Variants in SH3RF3 observed in about 807,000 individuals in gnomAD.
SH3RF3 encodes the protein SH3 domain containing ring finger 3, also known as E3 ubiquitin-protein ligase SH3RF3.
SH3RF3 carries 29 observed loss-of-function variants against 66.3 expected under a neutral mutation model. The observed-to-expected ratio is 0.44, with a 90% CI of 0.33 to 0.60. The LOEUF is 0.60. Among genes scored for constraint, SH3RF3 ranks in the 20% least tolerant of loss-of-function variants. The probability of loss-of-function intolerance (pLI) is 0.04; values close to 1 mark genes in which losing one functional copy is unlikely to be tolerated. For synonymous variants in SH3RF3, 583 were observed against 532.0 expected (o/e 1.10, Z -1.32); for missense variants, 1,194 against 1,190.9 (o/e 1.00, Z -0.04).
intron 1 of SH3RF3, among the ~76,000 whole-genome samples, chr2:109,183,719 C>G (rs1250502146): frequency 2.0e-5 from 3 of 152,244 alleles, no homozygotes; most frequent in Non-Finnish European, 4.4e-5. Context: ...TCAGCACTTT[C>G]CTACATGGAG....
At chr2:109,450,219 G>A (rs1020779783) in intron 8 of SH3RF3, among the ~76,000 whole-genome samples, 8 of 152,072 alleles carry the variant, frequency 5.3e-5, no homozygotes, top group Non-Finnish European at 1.0e-4. Flanking sequence ...GGTGGCGTGC[G>A]CCTGTAATCC....
chr2:109,264,364 CT>C (rs1244295622), intron 1 of SH3RF3, among the ~76,000 whole-genome samples: 1 of 151,530 alleles, frequency 6.6e-6, no homozygotes, highest in Non-Finnish European at 1.5e-5. Flanking sequence ...TCTGTGGGTG[CT>C]CCCCGTCCAC....
chr2:109,251,577 G>T (rs760513352), intron 1 of SH3RF3: 54 of 869,458 alleles, frequency 6.2e-5, no homozygotes, highest in Middle Eastern at 3.4e-4. Context: ...CGACTGGTGG[G>T]CAACAGAACA....
chr2:109,165,428 C>T (rs976199713), intron 1 of SH3RF3, among the ~76,000 whole-genome samples: 1 of 152,064 alleles, frequency 6.6e-6, no homozygotes, highest in Non-Finnish European at 1.5e-5. Flanking sequence ...CCCCACCACC[C>T]CTGCTAGAAG....
chr2:109,317,050 T>G (rs115169734), intron 1 of SH3RF3, among the ~76,000 whole-genome samples: 4,443 of 152,226 alleles, frequency 0.029, 236 homozygotes, highest in African/African-American at 0.1. Flanking sequence ...TCCACTCACC[T>G]CCTGAGGCTA....
At chr2:109,451,806 C>T (rs1166030402) in intron 8 of SH3RF3, among the ~76,000 whole-genome samples, 1 of 152,262 alleles carries the variant, frequency 6.6e-6, no homozygotes, top group Non-Finnish European at 1.5e-5. Flanking sequence ...GGCTCAGCCT[C>T]CTCCTCCCCT....
chr2:109,246,619 C>T (rs1243138450), intron 1 of SH3RF3, among the ~76,000 whole-genome samples: 1 of 152,216 alleles, frequency 6.6e-6, no homozygotes, highest in Non-Finnish European at 1.5e-5. Flanking sequence ...CCTTTCCACA[C>T]ACAGCCAGTG....
intron 5 of SH3RF3, among the ~76,000 whole-genome samples, 197 bp from the exon 6 acceptor site, chr2:109,432,304 C>A (rs114503991): frequency 6.6e-6 from 1 of 152,152 alleles, no homozygotes; most frequent in African/African-American, 2.4e-5. Flanking sequence ...CCCGAAGGCT[C>A]CCTGCCTCGT....
At chr2:109,155,725 A>G (rs1046724222) in intron 1 of SH3RF3, among the ~76,000 whole-genome samples, 2 of 152,192 alleles carry the variant, frequency 1.3e-5, no homozygotes, top group Non-Finnish European at 2.9e-5. Context: ...TTCTAGCAGT[A>G]CTTGAGAACA....
At chr2:109,240,486 AAACAAAATACAAAC>A (rs1375381217) in intron 1 of SH3RF3, among the ~76,000 whole-genome samples, 19 of 152,168 alleles carry the variant, frequency 1.2e-4, no homozygotes. Flanking sequence ...AAAAACAAAC[AAACAAAATACAAAC>A]AACAAAAACT....
intron 4 of SH3RF3, among the ~76,000 whole-genome samples, chr2:109,415,342 G>A (rs1247895881): frequency 1.3e-5 from 2 of 152,218 alleles, no homozygotes; most frequent in African/African-American, 4.8e-5. Flanking sequence ...TAAGCAGGCT[G>A]CCTGAGTTCA....
chr2:109,189,960 GT>G lies in SH3RF3; in HGVS notation c.573+59849del, dbSNP rs1399358919. ...GTTGGATGCAAACTCTGTGTGGAAT[GT>G]TCCCCTGGTGTTTCTCTAACAGATC... On this transcript the variant is annotated intron_variant, in intron 1 of 9. Coordinates refer to ENST00000309415, the MANE Select transcript of SH3RF3 (RefSeq NM_001099289.3). Among the ~76,000 whole-genome samples the G allele has an allele frequency of 2.6e-5, 4 of 152,186 alleles. No homozygotes were observed. In the East Asian group the frequency reaches 5.8e-4, roughly 22 times the overall value.
At chr2:109,455,695 T>C (rs1230604649) in intron 8 of SH3RF3, among the ~76,000 whole-genome samples, 1 of 152,116 alleles carries the variant, frequency 6.6e-6, no homozygotes, top group Non-Finnish European at 1.5e-5. Flanking sequence ...TCCTCTCGAG[T>C]GGAGGCACCC....
chr2:109,441,165 T>TA (rs1677554011), intron 7 of SH3RF3, among the ~76,000 whole-genome samples: 1 of 139,014 alleles, frequency 7.2e-6, no homozygotes, highest in Admixed American at 7.0e-5. Flanking sequence ...CTCAACAACA[T>TA]AAAAATCACA....
chr2:109,395,234 T>A (rs904155511), intron 3 of SH3RF3, among the ~76,000 whole-genome samples: 2 of 152,222 alleles, frequency 1.3e-5, no homozygotes, highest in African/African-American at 4.8e-5. Context: ...AAATGACTCC[T>A]CAGTCCCATG....
At position 109,211,041 on chromosome 2, in the gene SH3RF3, T is replaced by C. The variant is rs544456435; in HGVS notation, c.573+80928T>C. ...ACACGGGTTGATGACAGCTCTTCAGTTGAGTCTGTTCTGCTCTGTCTGGTA... is the reference window on the plus strand; with the variant it reads ...ACACGGGTTGATGACAGCTCTTCAGCTGAGTCTGTTCTGCTCTGTCTGGTA... On this transcript the variant is annotated intron_variant, in intron 1 of 9. Coordinates refer to ENST00000309415, the MANE Select transcript of SH3RF3 (RefSeq NM_001099289.3). Among the ~76,000 whole-genome samples, 167 of 152,298 alleles carry C rather than the reference T, an allele frequency of 1.1e-3. 2 individuals are homozygous for C. The highest frequency in any genetic ancestry group is 8.1e-4 in the Non-Finnish European group (55 of 68,022).
chr2:109,249,072 C>T (rs573741892), intron 1 of SH3RF3, among the ~76,000 whole-genome samples: 45 of 152,198 alleles, frequency 3.0e-4, no homozygotes, highest in African/African-American at 1.1e-3. Context: ...GTAGAGACCA[C>T]AGCTCACTAT....
At chr2:109,191,775 C>T (rs7585139) in intron 1 of SH3RF3, among the ~76,000 whole-genome samples, 77,743 of 152,058 alleles carry the variant, frequency 0.51, 20,478 homozygotes, top group South Asian at 0.61. Context: ...ATCACAGTCA[C>T]AGTCACCTGT....
chr2:109,385,054 G>A (rs546479039), intron 3 of SH3RF3, among the ~76,000 whole-genome samples: 2 of 152,152 alleles, frequency 1.3e-5, no homozygotes, highest in African/African-American at 4.8e-5. Context: ...TCGTTGTCCC[G>A]GCATGCTGGC....
Sources: gnomAD v4.1 joint callset for allele counts (sites outside exome capture counted in the v4.1 genomes callset) on GRCh38, gnomAD v4.1.1 for gene constraint, MANE v1.5 for transcripts, NCBI Gene and HGNC (gene_info 2026-07-23, HGNC 2026-07-21) for gene names.